Variants in CACNA1D observed in about 807,000 individuals in gnomAD.
The protein encoded by CACNA1D is calcium voltage-gated channel subunit alpha1 D.
CACNA1D carries 55 observed loss-of-function variants against 257.1 expected under a neutral mutation model. The observed-to-expected ratio is 0.21, with a 90% CI of 0.17 to 0.27. The LOEUF is 0.27. Among genes scored for constraint, CACNA1D ranks in the 10% least tolerant of loss-of-function variants. The probability of loss-of-function intolerance (pLI) is 1.00; values close to 1 mark genes in which losing one functional copy is unlikely to be tolerated. For synonymous variants in CACNA1D, 980 were observed against 1,014.9 expected (o/e 0.97, Z 0.65); for missense variants, 1,876 against 2,784.0 (o/e 0.67, Z 7.34).
chr3:53,709,843 A>G (rs747842327), intron 9 of CACNA1D, among the ~76,000 whole-genome samples: 4 of 152,208 alleles, frequency 2.6e-5, no homozygotes, highest in Non-Finnish European at 5.9e-5. Context: ...CTCTTACAAC[A>G]ACCTTACGCA....
chr3:53,807,077 C>A (rs1308911717), intron 45 of CACNA1D, among the ~76,000 whole-genome samples: 4 of 152,266 alleles, frequency 2.6e-5, no homozygotes, highest in Non-Finnish European at 5.9e-5. Context: ...ACATTTCCCT[C>A]CTCCACCTGT....
Position 53,780,028 on chromosome 3 carries a change from A to G in CACNA1D, c.4590A>G (p.Arg1530=), listed in dbSNP as rs767750190. The change falls in exon 38 of 48, where the codon AGA becomes AGG. Residue 1530 remains arginine, a splice_region_variant and synonymous_variant. Coordinates refer to ENST00000350061, the MANE Select transcript of CACNA1D (RefSeq NM_001128840.3). ...KLCPHRVACK[R]LVAMNMPLNS... ...GAAACCTTCCTTTCTGTTTACAGAG[A>G]TTAGTTGCCATGAACATGCCTCTCA... The G allele has an allele frequency of 2.3e-5, 37 of 1,607,602 alleles. No individual in the cohort carries two copies. Among genetic ancestry groups the G allele is most frequent in the Non-Finnish European group, 3.0e-5 (35 of 1,174,144 alleles).
chr3:53,800,468 C>A lies in CACNA1D; in HGVS notation c.5040+103C>A. The A allele has an allele frequency of 1.2e-6, 1 of 853,402 alleles. No individual in the cohort carries two copies. The highest frequency in any genetic ancestry group is 2.0e-6 in the Non-Finnish European group (1 of 488,728). The allele number at this position is 853,402 out of a possible 1,614,324, so 52.9% of individuals were successfully genotyped here. On this transcript the variant is annotated intron_variant, in intron 41 of 47. Transcript: ENST00000350061. This position sits in a 1 kb window ranked among gnomAD's most constrained non-coding sequence, Gnocchi z 4.3. The stretch of plus-strand genomic sequence containing the variant: ...CCACAGAAGAGTCTGGAGAATGCAG[C>A]CCATCCCCAGGGCCTAGAGGGGCTT...
chr3:53,501,421 G>A (rs1480132209), intron 2 of CACNA1D, among the ~76,000 whole-genome samples, 194 bp from the exon 3 acceptor site: 1 of 152,164 alleles, frequency 6.6e-6, no homozygotes, highest in Non-Finnish European at 1.5e-5. Flanking sequence ...TCATTTGGTA[G>A]GAGGCTCCAC....
At chr3:53,535,817 G>A (rs1402334084) in intron 3 of CACNA1D, among the ~76,000 whole-genome samples, 1 of 152,108 alleles carries the variant, frequency 6.6e-6, no homozygotes, top group Non-Finnish European at 1.5e-5. Context: ...AGATAATTTG[G>A]TCAAATTTTT....
At chr3:53,630,120 G>A (rs905072748) in intron 3 of CACNA1D, among the ~76,000 whole-genome samples, 12 of 152,324 alleles carry the variant, frequency 7.9e-5, no homozygotes, top group African/African-American at 2.4e-4. Flanking sequence ...TTATTTTAAC[G>A]TGGAATATAT....
At chr3:53,636,432 T>C (rs1221094606) in intron 3 of CACNA1D, among the ~76,000 whole-genome samples, 1 of 152,046 alleles carries the variant, frequency 6.6e-6, no homozygotes, top group African/African-American at 2.4e-5. Context: ...GCCTCCTGAG[T>C]AGTTGGGACT....
intron 9 of CACNA1D, among the ~76,000 whole-genome samples, chr3:53,709,227 G>A (rs570041848): frequency 6.6e-6 from 1 of 152,338 alleles, no homozygotes; most frequent in South Asian, 2.1e-4. Context: ...CTGTGTGTGA[G>A]ACACTGTTCC....
At chr3:53,763,522 G>A (rs2095315593) in intron 30 of CACNA1D, among the ~76,000 whole-genome samples, 3 of 152,218 alleles carry the variant, frequency 2.0e-5, no homozygotes, top group South Asian at 2.1e-4. Flanking sequence ...TGTGTGTGCC[G>A]AGCCTGTGCA....
chr3:53,544,856 A>T (rs12715461), intron 3 of CACNA1D, among the ~76,000 whole-genome samples: 56 of 152,190 alleles, frequency 3.7e-4, no homozygotes, highest in African/African-American at 1.3e-3. Flanking sequence ...AAGTTGCTTC[A>T]TCCCTCATTC....
intron 3 of CACNA1D, among the ~76,000 whole-genome samples, chr3:53,534,701 A>T: frequency 6.6e-6 from 1 of 152,034 alleles, no homozygotes; most frequent in Non-Finnish European, 1.5e-5. Context: ...TCACATGCTC[A>T]CTATTTCTTT....
At chr3:53,554,508 G>C (rs747179005) in intron 3 of CACNA1D, among the ~76,000 whole-genome samples, 2 of 152,054 alleles carry the variant, frequency 1.3e-5, no homozygotes, top group Non-Finnish European at 2.9e-5. Context: ...TCCCTTCTTC[G>C]TGCCACCACC....
intron 3 of CACNA1D, among the ~76,000 whole-genome samples, chr3:53,548,787 T>C (rs2092469023): frequency 6.6e-6 from 1 of 152,188 alleles, no homozygotes. Context: ...ATAGTTTGCA[T>C]AAACGTTCCC....
In CACNA1D at chr3:53,719,894, A is replaced by C. The variant is rs557657172; in HGVS notation, c.1505+113A>C. ...CTTGAGTTTTCCTCTGTGGATTATA[A>C]CATTGATACTGAATTGCAGTCAGTC... On this transcript the variant is annotated intron_variant, in intron 11 of 47. Coordinates refer to ENST00000350061, the MANE Select transcript of CACNA1D (RefSeq NM_001128840.3). 3.1e-6 allele frequency: 3 copies of C among 964,486 alleles called. No individual in the cohort carries two copies. In the South Asian group the frequency reaches 3.8e-5, roughly 12 times the overall value. 59.7% of individuals were successfully genotyped at this position (964,486 alleles called of 1,614,324 possible).
intron 33 of CACNA1D, 90 bp downstream of exon 33, chr3:53,772,988 G>A (rs950999538): frequency 8.9e-7 from 1 of 1,120,138 alleles, no homozygotes; most frequent in African/African-American, 1.5e-5. Flanking sequence ...TGAAGTAGAA[G>A]CATTGTGATT....
At position 53,774,441 on chromosome 3, in the gene CACNA1D, G is replaced by T; in HGVS notation, c.4111-146G>T. 1 of 668,860 alleles carries T rather than the reference G, an allele frequency of 1.5e-6. No individual in the cohort carries two copies. Among genetic ancestry groups the T allele is most frequent in the Admixed American group, 2.1e-5 (1 of 47,314 alleles). 41.4% of individuals were successfully genotyped at this position (668,860 alleles called of 1,614,324 possible). On this transcript the variant is annotated intron_variant, in intron 33 of 47. Transcript: ENST00000350061. The surrounding 1 kb of genome is among the most constrained non-coding windows in gnomAD (Gnocchi z 4.3). ...GCCTGGCACATGGTTGTGCCTGGCA[G>T]ATCTTTTTTGAATGAGTGAAGTGCC...
Position 53,800,407 on chromosome 3 carries a change from T to G in CACNA1D, c.5040+42T>G. 7.6e-7 allele frequency: 1 copy of G among 1,322,314 alleles called. No individual in the cohort carries two copies. The highest frequency in any genetic ancestry group is 1.1e-6 in the Non-Finnish European group (1 of 913,652). 81.9% of individuals were successfully genotyped at this position (1,322,314 alleles called of 1,614,324 possible). On this transcript the variant is annotated intron_variant, in intron 41 of 47. Transcript: ENST00000350061. The surrounding 1 kb of genome is among the most constrained non-coding windows in gnomAD (Gnocchi z 4.3). ...TAGCTACACACTGGCCATCTGGAAA[T>G]AGCAGGGCAGGACTCCAGTTTGGGC...
At position 53,751,632 on chromosome 3, in the gene CACNA1D, C is replaced by G. The variant is rs1159524384; in HGVS notation, c.3517-117C>G. 1 of 1,013,306 alleles carries G rather than the reference C, an allele frequency of 9.9e-7. No individual in the cohort carries two copies. The highest frequency in any genetic ancestry group is 1.6e-6 in the Non-Finnish European group (1 of 639,580). The allele number at this position is 1,013,306 out of a possible 1,614,324, so 62.8% of individuals were successfully genotyped here. ...GGTCACTCGTAATCATTTTCACCATCGTCCACGGCCCCTTCCCGGGAGCTG... is the reference window on the plus strand; with the variant it reads ...GGTCACTCGTAATCATTTTCACCATGGTCCACGGCCCCTTCCCGGGAGCTG... On this transcript the variant is annotated intron_variant, in intron 27 of 47. Transcript: ENST00000350061. The surrounding 1 kb of genome is among the most constrained non-coding windows in gnomAD (Gnocchi z 4.3).
intron 3 of CACNA1D, among the ~76,000 whole-genome samples, chr3:53,587,745 A>T (rs977209358): frequency 6.6e-6 from 1 of 152,194 alleles, no homozygotes; most frequent in Non-Finnish European, 1.5e-5. Context: ...TTTAAGAGAG[A>T]TATAGCCACG....
Sources: gnomAD v4.1 joint callset for allele counts (sites outside exome capture counted in the v4.1 genomes callset) on GRCh38, gnomAD v4.1.1 for gene constraint, Gnocchi (gnomAD v3.1) non-coding constraint, MANE v1.5 for transcripts, NCBI Gene and HGNC (gene_info 2026-07-23, HGNC 2026-07-21) for gene names.